NRXN1: variants seen among roughly 807,000 people sequenced by gnomAD.
The protein encoded by NRXN1 is neurexin-1.
NRXN1 carries 39 observed loss-of-function variants against 150.9 expected under a neutral mutation model. That is an observed-to-expected ratio of 0.26 (90% CI 0.20 to 0.34). The LOEUF is 0.34. NRXN1 is among the 10% of genes least tolerant of loss of function. NRXN1 has a pLI of 1.00. For missense variants in NRXN1, 1,815 were observed against 1,949.9 expected (o/e 0.93, Z 1.30); for synonymous variants, 924 against 757.0 (o/e 1.22, Z -3.62).
chr2:50,638,808 T>A (rs958949928), intron 5 of NRXN1, among the ~76,000 whole-genome samples: 1 of 152,154 alleles, frequency 6.6e-6, no homozygotes, highest in Non-Finnish European at 1.5e-5. Flanking sequence ...TCCTCCACCA[T>A]TAACCATATG....
chr2:50,706,969 T>G (rs887597854), intron 5 of NRXN1, among the ~76,000 whole-genome samples: 1 of 152,174 alleles, frequency 6.6e-6, no homozygotes, highest in African/African-American at 2.4e-5. Context: ...ATTTATCTCA[T>G]GGTAAATTTC....
chr2:50,220,513 A>T (rs1337466286), intron 18 of NRXN1, among the ~76,000 whole-genome samples: 1 of 151,942 alleles, frequency 6.6e-6, no homozygotes, highest in Non-Finnish European at 1.5e-5. Context: ...CCTCTTTCAC[A>T]CTTTAGATTT....
chr2:50,406,085 T>C (rs1558675508), intron 17 of NRXN1, among the ~76,000 whole-genome samples: 1 of 152,148 alleles, frequency 6.6e-6, no homozygotes, highest in Admixed American at 6.6e-5. Context: ...TTCATGTTAA[T>C]TCTCCTCCTC....
At chr2:50,922,036 A>C (rs1228717821) in intron 4 of NRXN1, among the ~76,000 whole-genome samples, 156 bp from the exon 5 acceptor site, 2 of 151,912 alleles carry the variant, frequency 1.3e-5, no homozygotes, top group African/African-American at 4.8e-5. Flanking sequence ...TTTGAAGACA[A>C]ATGGAGATGC....
chr2:50,452,718 T>C (rs1334884650), intron 17 of NRXN1, among the ~76,000 whole-genome samples: 4 of 152,188 alleles, frequency 2.6e-5, no homozygotes, highest in African/African-American at 7.2e-5. Context: ...GTACCTAATA[T>C]AAATGGCAAT....
At chr2:50,133,632 G>T (rs903545656) in intron 18 of NRXN1, among the ~76,000 whole-genome samples, 5 of 152,080 alleles carry the variant, frequency 3.3e-5, no homozygotes, top group African/African-American at 1.2e-4. Context: ...ATAAATTAAA[G>T]CCACAGACAA....
chr2:50,420,227 A>G (rs1379987362), intron 17 of NRXN1, among the ~76,000 whole-genome samples: 1 of 152,060 alleles, frequency 6.6e-6, no homozygotes, highest in African/African-American at 2.4e-5. Context: ...AGCACTGCCT[A>G]TATACAGACA....
chr2:50,704,148 A>T (rs368217444), intron 5 of NRXN1, among the ~76,000 whole-genome samples: 1 of 152,056 alleles, frequency 6.6e-6, no homozygotes, highest in African/African-American at 2.4e-5. Flanking sequence ...GGCCAATATT[A>T]TCTTTATTAT....
At chr2:50,225,860 C>G (rs2064327077) in intron 18 of NRXN1, among the ~76,000 whole-genome samples, 1 of 151,916 alleles carries the variant, frequency 6.6e-6, no homozygotes, top group East Asian at 1.9e-4. Context: ...ACTGGCCAGT[C>G]AGATAACTTC....
chr2:50,155,646 A>G (rs556560494), intron 18 of NRXN1, among the ~76,000 whole-genome samples: 1 of 151,716 alleles, frequency 6.6e-6, no homozygotes, highest in South Asian at 2.1e-4. Context: ...CCACCCTGAC[A>G]TTTATTTTAA....
chr2:50,714,268 A>G (rs1281169171), intron 5 of NRXN1, among the ~76,000 whole-genome samples: 1 of 152,142 alleles, frequency 6.6e-6, no homozygotes, highest in Non-Finnish European at 1.5e-5. Context: ...AAGTTGCAAG[A>G]GGCCAAATGA....
chr2:49,995,973 C>G lies in NRXN1; in HGVS notation c.4129-52182G>C, dbSNP rs1360240437. Among the ~76,000 whole-genome samples the G allele has an allele frequency of 2.0e-5, 3 of 151,246 alleles. No homozygotes were observed. The East Asian group carries it at 5.8e-4, about 29-fold the overall frequency. On this transcript the variant is annotated intron_variant, in intron 21 of 22. Coordinates refer to ENST00000401669, the MANE Select transcript of NRXN1 (RefSeq NM_001330078.2). ...GGGTGATTTCCAGAAATTCATTAAT[C>G]CTTTCAATGAATATTTACTGAGCAT...
At chr2:50,171,492 C>G (rs2060029594) in intron 18 of NRXN1, among the ~76,000 whole-genome samples, 1 of 151,946 alleles carries the variant, frequency 6.6e-6, no homozygotes, top group Non-Finnish European at 1.5e-5. Context: ...GCGCTATCAT[C>G]AAAGGATTTT....
intron 5 of NRXN1, among the ~76,000 whole-genome samples, chr2:50,664,506 A>G (rs1295170926): frequency 6.6e-6 from 1 of 151,442 alleles, no homozygotes; most frequent in African/African-American, 2.4e-5. Context: ...ATGATTTAAA[A>G]AAAAAATTCT....
chr2:50,639,799 C>T (rs1456675284), intron 5 of NRXN1, among the ~76,000 whole-genome samples: 1 of 152,044 alleles, frequency 6.6e-6, no homozygotes, highest in African/African-American at 2.4e-5. Context: ...ACCATATTTG[C>T]ACTAATTATG....
chr2:50,462,674 T>A (rs2088358104), intron 17 of NRXN1, among the ~76,000 whole-genome samples: 2 of 151,836 alleles, frequency 1.3e-5, no homozygotes, highest in Non-Finnish European at 1.5e-5. Flanking sequence ...AGAAAGGGTT[T>A]AACAAACATT....
chr2:50,311,863 T>G (rs2152964551), intron 17 of NRXN1, among the ~76,000 whole-genome samples: 1 of 152,196 alleles, frequency 6.6e-6, no homozygotes, highest in South Asian at 2.1e-4. Context: ...TCTGTAAACC[T>G]AAATAAATGT....
intron 17 of NRXN1, among the ~76,000 whole-genome samples, chr2:50,412,029 C>T (rs1040900212): frequency 1.3e-5 from 2 of 152,188 alleles, no homozygotes; most frequent in African/African-American, 4.8e-5. Flanking sequence ...ACCCCCTGCT[C>T]TCTGAAACAT....
intron 12 of NRXN1, among the ~76,000 whole-genome samples, chr2:50,514,259 T>C (rs930758153): frequency 6.6e-6 from 1 of 152,178 alleles, no homozygotes; most frequent in Non-Finnish European, 1.5e-5. Flanking sequence ...TATAAATTGG[T>C]TCTATATTTA....
Sources: allele counts gnomAD v4.1 joint callset (sites outside exome capture counted in the v4.1 genomes callset), GRCh38; gene constraint gnomAD v4.1.1; transcripts MANE v1.5; gene names NCBI Gene and HGNC (gene_info 2026-07-23, HGNC 2026-07-21).